The following LYN variants were observed in gnomAD, a reference collection of about 807,000 sequenced individuals.
LYN encodes tyrosine-protein kinase Lyn.
A neutral mutation model predicts 65.0 loss-of-function variants in LYN; 12 were observed. That is an observed-to-expected ratio of 0.18 (90% confidence interval 0.12 to 0.30). LYN has a LOEUF of 0.30. Among genes scored for constraint, LYN ranks in the 10% least tolerant of loss-of-function variants. The pLI, the probability that LYN is intolerant of heterozygous loss-of-function variation, is 1.00. For missense variants in LYN, 380 were observed against 623.2 expected (o/e 0.61, Z 4.16); for synonymous variants, 222 against 221.2 (o/e 1.00, Z -0.03).
In LYN at chr8:56,012,593, C is replaced by T. The variant is rs1003815633; in HGVS notation, c.*2483C>T. 1 of 153,118 alleles carries T rather than the reference C, an allele frequency of 6.5e-6. No individual in the cohort carries two copies. The highest frequency in any genetic ancestry group is 1.5e-5 in the Non-Finnish European group (1 of 68,750). 9.5% of individuals were successfully genotyped at this position (153,118 alleles called of 1,614,324 possible). A position where few individuals can be genotyped will look rare whatever the true frequency, so the allele number is the denominator to read the frequency against. On this transcript the variant is annotated 3_prime_UTR_variant, in exon 13 of 13. Transcript: ENST00000519728. ...AATTAGCTAAGTGTGGTGGCACATA[C>T]CTATGGTCCCAGCTACTCAGGAGGC...
chr8:55,916,979 C>G (rs920835553), intron 1 of LYN, among the ~76,000 whole-genome samples: 1 of 151,832 alleles, frequency 6.6e-6, no homozygotes, highest in African/African-American at 2.4e-5. Context: ...GAGTTCAAGA[C>G]CACCCTGGCC....
At chr8:55,917,879 C>T (rs1431978341) in intron 1 of LYN, among the ~76,000 whole-genome samples, 1 of 152,194 alleles carries the variant, frequency 6.6e-6, no homozygotes, top group East Asian at 1.9e-4. Flanking sequence ...TCAAACATGA[C>T]TGTGTAAAAA....
At chr8:55,950,863 G>A in intron 6 of LYN, 79 bp downstream of exon 6, 1 of 996,660 alleles carries the variant, frequency 1.0e-6, no homozygotes, top group Admixed American at 2.0e-5. Flanking sequence ...CTACTCAAGG[G>A]GAAAAAAGGG....
intron 1 of LYN, among the ~76,000 whole-genome samples, chr8:55,895,309 G>A (rs750951328): frequency 4.6e-5 from 7 of 152,124 alleles, no homozygotes; most frequent in Admixed American, 6.5e-5. Flanking sequence ...GAAGAAGTGA[G>A]TCCCTTAGTT....
intron 1 of LYN, among the ~76,000 whole-genome samples, chr8:55,896,085 G>A (rs1046578361): frequency 3.3e-5 from 5 of 151,642 alleles, no homozygotes; most frequent in African/African-American, 7.3e-5. Flanking sequence ...TAAGCATCTC[G>A]TTAGGGGTAA....
chr8:55,936,597 G>A (rs930722355), intron 1 of LYN, among the ~76,000 whole-genome samples: 10 of 151,968 alleles, frequency 6.6e-5, no homozygotes, highest in Admixed American at 2.6e-4. Context: ...CAGAGATCGC[G>A]CCATTGCACT....
intron 1 of LYN, among the ~76,000 whole-genome samples, chr8:55,908,955 CT>C (rs1292148497): frequency 7.5e-6 from 1 of 133,066 alleles, no homozygotes; most frequent in Non-Finnish European, 1.6e-5. Flanking sequence ...TAATTTTATT[CT>C]TTTTTGTGGC....
intron 8 of LYN, among the ~76,000 whole-genome samples, chr8:55,966,406 C>T (rs1158507847): frequency 6.6e-6 from 1 of 150,538 alleles, no homozygotes; most frequent in Non-Finnish European, 1.5e-5. Flanking sequence ...CGCACTCTGT[C>T]ACCCAGGCTG....
At chr8:55,966,972 C>T in intron 9 of LYN, 75 bp downstream of exon 9, 1 of 1,363,084 alleles carries the variant, frequency 7.3e-7, no homozygotes, top group Non-Finnish European at 1.0e-6. Flanking sequence ...GTTCAGAGGT[C>T]ACTCAACTAG....
rs558093914 is a variant in LYN at position 55,924,737 on chromosome 8, T to A, written c.-5-17118T>A. Among the ~76,000 whole-genome samples the A allele has an allele frequency of 3.3e-5, 5 of 152,278 alleles. No individual in the cohort carries two copies. In the East Asian group the frequency reaches 9.6e-4, roughly 29 times the overall value. ...TTCCTCTTTTTCACCTTTAAACTCC[T>A]AGAGTGAGTTTACAGTGACTCTCCA... On this transcript the variant is annotated intron_variant, in intron 1 of 12. Transcript: ENST00000519728.
chr8:55,920,513 C>T (rs1805914338), intron 1 of LYN, among the ~76,000 whole-genome samples: 1 of 152,172 alleles, frequency 6.6e-6, no homozygotes, highest in African/African-American at 2.4e-5. Context: ...ATTTAATCCT[C>T]ATGGTGACCC....
intron 3 of LYN, among the ~76,000 whole-genome samples, chr8:55,947,109 C>T (rs986680063): frequency 1.3e-5 from 2 of 152,072 alleles, no homozygotes; most frequent in Non-Finnish European, 2.9e-5. Context: ...ATTAGCCAGG[C>T]GTGGTGGTGG....
chr8:55,908,621 G>A (rs763666369), intron 1 of LYN, among the ~76,000 whole-genome samples: 47 of 151,980 alleles, frequency 3.1e-4, no homozygotes, highest in Non-Finnish European at 6.0e-4. Context: ...ATATTAAGAG[G>A]TGCAAGTGCA....
intron 1 of LYN, among the ~76,000 whole-genome samples, chr8:55,920,929 T>A (rs1297237037): frequency 6.6e-6 from 1 of 152,146 alleles, no homozygotes; most frequent in Non-Finnish European, 1.5e-5. Context: ...ACTCCTGACC[T>A]CAGGTGATCT....
chr8:55,917,930 T>A (rs1805826061), intron 1 of LYN, among the ~76,000 whole-genome samples: 1 of 152,214 alleles, frequency 6.6e-6, no homozygotes, highest in African/African-American at 2.4e-5. Context: ...TCATAGAAGT[T>A]CTTTGGGTTT....
intron 3 of LYN, among the ~76,000 whole-genome samples, chr8:55,947,318 C>A (rs1806808217): frequency 6.6e-6 from 1 of 152,236 alleles, no homozygotes; most frequent in Non-Finnish European, 1.5e-5. Context: ...TGCATTATTT[C>A]CACATCTTGG....
At chr8:55,902,190 TAG>T (rs1805283125) in intron 1 of LYN, among the ~76,000 whole-genome samples, 1 of 151,886 alleles carries the variant, frequency 6.6e-6, no homozygotes, top group Non-Finnish European at 1.5e-5. Flanking sequence ...GTATTTTTAG[TAG>T]AGACAGGGTT....
intron 10 of LYN, 21 bp downstream of exon 10, chr8:55,969,814 C>T (rs371394281): frequency 3.0e-5 from 48 of 1,604,048 alleles, no homozygotes; most frequent in East Asian, 4.5e-5. Context: ...CAAAAAGCCC[C>T]GTGTGCACGT....
intron 10 of LYN, among the ~76,000 whole-genome samples, chr8:55,971,721 G>T (rs1807614113): frequency 6.6e-6 from 1 of 152,170 alleles, no homozygotes; most frequent in South Asian, 2.1e-4. Context: ...ACTTTATCTT[G>T]ACATAGTCAA....
Sources: allele counts gnomAD v4.1 joint callset (sites outside exome capture counted in the v4.1 genomes callset), GRCh38; gene constraint gnomAD v4.1.1; transcripts MANE v1.5; gene names NCBI Gene and HGNC (gene_info 2026-07-23, HGNC 2026-07-21).